CDH12: variants seen among roughly 807,000 people sequenced by gnomAD.
CDH12 encodes cadherin 12, also known as cadherin-12.
In CDH12, 41 loss-of-function variants were observed where a neutral mutation model predicts 74.1. That is an observed-to-expected ratio of 0.55 (90% CI 0.43 to 0.72). The LOEUF is 0.72. Among genes scored for constraint, CDH12 ranks in the 30% least tolerant of loss-of-function variants. The pLI is 0.00. For missense variants in CDH12, 945 were observed against 977.2 expected (o/e 0.97, Z 0.44); for synonymous variants, 399 against 355.0 (o/e 1.12, Z -1.39).
intron 6 of CDH12, among the ~76,000 whole-genome samples, chr5:21,962,699 T>C (rs58855389): frequency 0.011 from 1,733 of 152,292 alleles, 32 homozygotes; most frequent in African/African-American, 0.039. Context: ...ATCCTTTTGA[T>C]CTGCCATGCC....
intron 1 of CDH12, among the ~76,000 whole-genome samples, chr5:22,606,917 T>C (rs1273046800): frequency 2.0e-5 from 3 of 152,148 alleles, no homozygotes; most frequent in Non-Finnish European, 2.9e-5. Flanking sequence ...ATATGGACAA[T>C]GAAGCCCAGG....
chr5:22,409,441 C>T (rs544551932), intron 2 of CDH12, among the ~76,000 whole-genome samples: 1 of 152,046 alleles, frequency 6.6e-6, no homozygotes, highest in South Asian at 2.1e-4. Flanking sequence ...TTCTCCAATT[C>T]AAAACCAATT....
intron 1 of CDH12, among the ~76,000 whole-genome samples, chr5:22,762,530 A>G (rs713377): frequency 6.6e-6 from 1 of 151,704 alleles, no homozygotes; most frequent in Non-Finnish European, 1.5e-5. Context: ...GCAGAAAGTT[A>G]TGTCATCAGC....
chr5:22,688,056 A>T (rs564613331), intron 1 of CDH12, among the ~76,000 whole-genome samples: 6 of 152,188 alleles, frequency 3.9e-5, no homozygotes, highest in African/African-American at 1.4e-4. Flanking sequence ...AATTAGCTTC[A>T]TGTACTGCAT....
intron 1 of CDH12, among the ~76,000 whole-genome samples, chr5:22,588,037 C>T (rs1249677695): frequency 6.7e-6 from 1 of 149,182 alleles, no homozygotes; most frequent in African/African-American, 2.4e-5. Context: ...TATATATACA[C>T]ACATATATAT....
chr5:22,642,733 T>A (rs1035390015), intron 1 of CDH12, among the ~76,000 whole-genome samples: 3 of 152,168 alleles, frequency 2.0e-5, no homozygotes, highest in African/African-American at 7.2e-5. Flanking sequence ...GTAACACCTT[T>A]ATAGGATCAC....
At chr5:22,772,664 T>C (rs922540884) in intron 1 of CDH12, among the ~76,000 whole-genome samples, 2 of 152,202 alleles carry the variant, frequency 1.3e-5, no homozygotes, top group East Asian at 1.9e-4. Context: ...AACTAAGAAA[T>C]GTAAAAGTAT....
intron 1 of CDH12, among the ~76,000 whole-genome samples, chr5:22,737,286 T>C (rs1026238376): frequency 6.6e-6 from 1 of 151,906 alleles, no homozygotes; most frequent in Non-Finnish European, 1.5e-5. Flanking sequence ...AAATGAATAA[T>C]ATGTTTAAAT....
intron 1 of CDH12, among the ~76,000 whole-genome samples, chr5:22,555,931 A>C (rs544031481): frequency 7.9e-5 from 12 of 152,192 alleles, no homozygotes; most frequent in African/African-American, 2.9e-4. Context: ...AAAGGACAGA[A>C]GACACAGATA....
At chr5:22,019,666 C>A (rs1211824338) in intron 5 of CDH12, among the ~76,000 whole-genome samples, 1 of 152,268 alleles carries the variant, frequency 6.6e-6, no homozygotes, top group East Asian at 1.9e-4. Flanking sequence ...TCTTGGACTT[C>A]CACCCTCCAT....
intron 5 of CDH12, among the ~76,000 whole-genome samples, chr5:22,024,985 A>ATTG (rs1738254595): frequency 1.3e-5 from 2 of 152,130 alleles, no homozygotes; most frequent in South Asian, 4.1e-4. Flanking sequence ...CTTTTCAACA[A>ATTG]TTGTTCAGCC....
intron 1 of CDH12, among the ~76,000 whole-genome samples, chr5:22,633,222 G>A (rs976035927): frequency 6.6e-6 from 1 of 152,098 alleles, no homozygotes; most frequent in Non-Finnish European, 1.5e-5. Flanking sequence ...TAAATTAAAA[G>A]TCACTGAATA....
chr5:22,155,513 A>G (rs548479167), intron 4 of CDH12, among the ~76,000 whole-genome samples: 1 of 152,302 alleles, frequency 6.6e-6, no homozygotes, highest in East Asian at 1.9e-4. Context: ...CCTAATTACA[A>G]TATTAGATAA....
At chr5:22,564,814 C>T (rs1439684253) in intron 1 of CDH12, among the ~76,000 whole-genome samples, 1 of 152,122 alleles carries the variant, frequency 6.6e-6, no homozygotes, top group African/African-American at 2.4e-5. Flanking sequence ...TAATGATGGA[C>T]ATTTAAGTAG....
At chr5:22,386,045 AC>A (rs1285737939) in intron 3 of CDH12, among the ~76,000 whole-genome samples, 1 of 151,996 alleles carries the variant, frequency 6.6e-6, no homozygotes, top group African/African-American at 2.4e-5. Context: ...GGCATGTGGC[AC>A]CATGCTTGGC....
chr5:22,664,367 G>C (rs1740500303), intron 1 of CDH12, among the ~76,000 whole-genome samples: 1 of 152,122 alleles, frequency 6.6e-6, no homozygotes. Context: ...GGGAAGCAAG[G>C]TACCTTTTTC....
intron 1 of CDH12, among the ~76,000 whole-genome samples, chr5:22,640,652 C>A (rs537529430): frequency 3.9e-5 from 6 of 152,044 alleles, no homozygotes; most frequent in African/African-American, 1.4e-4. Context: ...ATTAATTGTC[C>A]CTTTCTTATA....
chr5:22,073,121 C>A (rs886596139), intron 5 of CDH12, among the ~76,000 whole-genome samples: 1 of 152,036 alleles, frequency 6.6e-6, no homozygotes, highest in Admixed American at 6.6e-5. Context: ...AATCTAGAGA[C>A]CTTCATAGTT....
intron 3 of CDH12, among the ~76,000 whole-genome samples, chr5:22,395,824 T>C (rs1350497978): frequency 6.6e-6 from 1 of 152,118 alleles, no homozygotes; most frequent in Non-Finnish European, 1.5e-5. Flanking sequence ...GGGTAAGGCC[T>C]GCCCTGGAGG....
Sources: gnomAD v4.1 joint callset for allele counts (sites outside exome capture counted in the v4.1 genomes callset) on GRCh38, gnomAD v4.1.1 for gene constraint, MANE v1.5 for transcripts, NCBI Gene and HGNC (gene_info 2026-07-23, HGNC 2026-07-21) for gene names.